RABL6: variants seen among roughly 807,000 people sequenced by gnomAD.
The protein encoded by RABL6 is RAB, member RAS oncogene family like 6, also known as rab-like protein 6.
In RABL6, 28 loss-of-function variants were observed where a neutral mutation model predicts 72.9. The ratio of observed to expected loss-of-function variants is 0.38; its 90% CI spans 0.28 to 0.53. The LOEUF is 0.53. Ranked by LOEUF, RABL6 falls within the 20% of genes least tolerant of loss-of-function variation. RABL6 has a pLI of 0.80. For synonymous variants in RABL6, 477 were observed against 421.2 expected, an observed-to-expected ratio of 1.13 and a Z score of -1.62; for missense variants, 1,029 against 1,008.4, an observed-to-expected ratio of 1.02 and a Z score of -0.28.
chr9:136,813,084 T>G, intron 1 of RABL6: 1 of 388,142 alleles, frequency 2.6e-6, no homozygotes, highest in Non-Finnish European at 4.9e-6. Flanking sequence ...TGACTACCCT[T>G]GCCCAACAAA....
rs1338167529 is a variant in RABL6 at position 136,840,888 on chromosome 9, C to A, written c.*366C>A. 1 of 1,515,468 alleles carries A rather than the reference C, an allele frequency of 6.6e-7. No homozygotes were observed. Among genetic ancestry groups the A allele is most frequent in the South Asian group, 1.2e-5 (1 of 80,898 alleles). The allele number at this position is 1,515,468 out of a possible 1,614,324, so 93.9% of individuals were successfully genotyped here. A position where few individuals can be genotyped will look rare whatever the true frequency, so the allele number is the denominator to read the frequency against. Reference sequence around the variant, plus strand: ...GGGCCGCTTGGCTGTGGGGTGTGCGCTGCCCCGGCACCTGCTTGCCCTCCG... The same window carrying A: ...GGGCCGCTTGGCTGTGGGGTGTGCGATGCCCCGGCACCTGCTTGCCCTCCG... On this transcript the variant is annotated 3_prime_UTR_variant, in exon 15 of 15. Coordinates refer to ENST00000311502, the MANE Select transcript of RABL6 (RefSeq NM_024718.5).
chr9:136,837,528 C>T lies in RABL6; in HGVS notation c.992C>T (p.Ser331Phe), dbSNP rs562980033. 26 of 1,536,104 alleles carry T rather than the reference C, an allele frequency of 1.7e-5. No individual in the cohort carries two copies. The highest frequency in any genetic ancestry group is 2.1e-5 in the Non-Finnish European group (24 of 1,140,556). The change falls in exon 9 of 15, where the codon TCC becomes TTC. Residue 331 changes from serine (S) to phenylalanine (F), a missense_variant. Physicochemically the swap from Ser to Phe is radical, Grantham distance 155. Coordinates refer to ENST00000311502, the MANE Select transcript of RABL6 (RefSeq NM_024718.5). ...PQLPLNAAPP[S>F]SVPPVPPSEA... is the part of the protein sequence containing the mutation. ...CTGCCCCTCAATGCCGCCCCACCAT[C>T]CTCTGTGCCCCCTGTACCACCCTCA...
intron 1 of RABL6, among the ~76,000 whole-genome samples, chr9:136,822,320 C>A (rs1044351963): frequency 6.6e-6 from 1 of 152,180 alleles, no homozygotes; most frequent in African/African-American, 2.4e-5. Flanking sequence ...CCTCTGCTCC[C>A]CACCAACCCG....
At chr9:136,822,976 T>C (rs1285029645) in intron 1 of RABL6, among the ~76,000 whole-genome samples, 5 of 151,676 alleles carry the variant, frequency 3.3e-5, no homozygotes, top group Admixed American at 2.0e-4. Flanking sequence ...TAGTCCCAGC[T>C]ACTCGGGAGG....
At chr9:136,822,092 G>A (rs1410725723) in intron 1 of RABL6, 1 of 1,288,054 alleles carries the variant, frequency 7.8e-7, no homozygotes. Flanking sequence ...TGGGCCAGGA[G>A]AGAGGAGCCG....
Position 136,825,197 on chromosome 9 carries a change from C to T in RABL6, c.266-582C>T, listed in dbSNP as rs576269690. 1.6e-4 allele frequency among the ~76,000 whole-genome samples: 24 copies of T among 152,340 alleles called. No homozygotes were observed. The South Asian group carries it at 2.3e-3, about 14-fold the overall frequency. On this transcript the variant is annotated intron_variant, in intron 2 of 14. Coordinates refer to ENST00000311502, the MANE Select transcript of RABL6 (RefSeq NM_024718.5). ...GGCTCCGAAGGGAGGGTCCGGCCTC[C>T]GCCCTCAGTGATTACTTAGATTCTG...
At chr9:136,839,565 T>A in intron 12 of RABL6, 79 bp downstream of exon 12, 1 of 1,556,184 alleles carries the variant, frequency 6.4e-7, no homozygotes, top group Non-Finnish European at 8.7e-7. Flanking sequence ...GTGGGTGCAG[T>A]GGGAGGAGGC....
chr9:136,821,473 A>G, intron 1 of RABL6: 1 of 985,284 alleles, frequency 1.0e-6, no homozygotes, highest in Non-Finnish European at 1.2e-6. Context: ...ACGGACGTGG[A>G]TGGCGCCGCC....
Position 136,837,379 on chromosome 9 carries a change from C to T in RABL6, c.843C>T (p.Gly281=), listed in dbSNP as rs1242732417. The T allele has an allele frequency of 6.2e-7, 1 of 1,601,568 alleles. No homozygotes were observed. Among genetic ancestry groups the T allele is most frequent in the East Asian group, 2.3e-5 (1 of 44,142 alleles). Residue 281 remains glycine, a synonymous_variant, in exon 9 of 15, where the codon GGC becomes GGT. Transcript: ENST00000311502. ...AGATGATGGAGGCTCGCAGCCGTGG[C>T]CATGCGTCCCCACTGGCGGCCAACG... ...FLEMMEARSR[G]HASPLAANGQ...
chr9:136,818,387 A>C (rs1427796190), intron 1 of RABL6, among the ~76,000 whole-genome samples: 7 of 124,296 alleles, frequency 5.6e-5, no homozygotes, highest in Admixed American at 2.3e-4. Flanking sequence ...AAAAAAAAAA[A>C]AAAAAAAAAA....
rs745324493 is a variant in RABL6, at chr9:136,808,265, C to T, written c.69C>T (p.Ala23=). 1.6e-5 allele frequency: 25 copies of T among 1,566,130 alleles called. No individual in the cohort carries two copies. The African/African-American group carries it at 2.0e-4, about 12-fold the overall frequency. Residue 23 remains alanine (A), a synonymous_variant, in exon 1 of 15, where the codon GCC becomes GCT. Transcript: ENST00000311502. The stretch of plus-strand genomic sequence containing the variant: ...CGGGCCGGGACAAGAACATCCCCGC[C>T]GGGCTGCAGTCCATGAACCAGGCGT... ...QAPGRDKNIP[A]GLQSMNQALQ...
At chr9:136,812,745 C>CTT (rs2131156462) in intron 1 of RABL6, 1 of 316,222 alleles carries the variant, frequency 3.2e-6, no homozygotes, top group South Asian at 3.4e-5. Flanking sequence ...AGCGTCCTTT[C>CTT]TTTCAAATGG....
chr9:136,835,339 C>T (rs1441763025), intron 7 of RABL6: 9 of 161,262 alleles, frequency 5.6e-5, no homozygotes, highest in South Asian at 3.5e-4. Flanking sequence ...GGGACGGTGG[C>T]GACGCGTGCA....
In RABL6 at chr9:136,832,287, C is replaced by A. The variant is rs371358921; in HGVS notation, c.622C>A (p.Arg208Ser). The A allele has an allele frequency of 6.2e-7, 1 of 1,613,728 alleles. No individual in the cohort carries two copies. Among genetic ancestry groups the A allele is most frequent in the Non-Finnish European group, 8.5e-7 (1 of 1,179,818 alleles). ...LDRPPGSSYFRYAESSMKNSF... is the reference protein window; with the variant it reads ...LDRPPGSSYFSYAESSMKNSF... Reference sequence around the variant, plus strand: ...CAGACCTCCAGGTTCCTCCTACTTCCGCTATGCTGAGTCTTCCATGAAGAA... The same window carrying A: ...CAGACCTCCAGGTTCCTCCTACTTCAGCTATGCTGAGTCTTCCATGAAGAA... Residue 208 changes from arginine (R) to serine (S), a missense_variant, in exon 7 of 15, where the codon CGC becomes AGC. Around this residue, in one of 2 missense-constraint regions of RABL6, gnomAD observed 434 missense variants for 536.1 expected, o/e 0.81. Coordinates refer to ENST00000311502, the MANE Select transcript of RABL6 (RefSeq NM_024718.5).
At chr9:136,815,399 G>T in intron 1 of RABL6, 1 of 282,020 alleles carries the variant, frequency 3.5e-6, no homozygotes, top group South Asian at 4.0e-5. Flanking sequence ...CCTGAGGTGT[G>T]ACAGTCTCTT....
At chr9:136,829,030 G>A (rs116006458) in intron 4 of RABL6, among the ~76,000 whole-genome samples, 6,503 of 152,278 alleles carry the variant, frequency 0.043, 411 homozygotes, top group African/African-American at 0.14. Context: ...AACCCTGTTT[G>A]TGGGCACTGG....
chr9:136,824,288 TTTTG>T (rs1002835776), intron 2 of RABL6, among the ~76,000 whole-genome samples: 7 of 151,788 alleles, frequency 4.6e-5, no homozygotes, highest in Admixed American at 3.9e-4. Flanking sequence ...GGGCTGGTTT[TTTTG>T]TTTGTTTGTT....
intron 5 of RABL6, among the ~76,000 whole-genome samples, chr9:136,829,713 A>G (rs1848432103): frequency 6.6e-6 from 1 of 152,222 alleles, no homozygotes; most frequent in Non-Finnish European, 1.5e-5. Flanking sequence ...CCGGCTGCAA[A>G]AGGCATCTGG....
Position 136,837,625 on chromosome 9 carries a change from G to A in RABL6, c.1089G>A (p.Gly363=). ...GCAGCATCATCTCTAGGCTGTTTGGGACGTCACCTGCCACCGAGGCAGCCC... is the reference window on the plus strand; with the variant it reads ...GCAGCATCATCTCTAGGCTGTTTGGAACGTCACCTGCCACCGAGGCAGCCC... ...PRRSIISRLF[G]TSPATEAAPP... The change falls in exon 9 of 15, where the codon GGG becomes GGA. Residue 363 remains glycine (G), a synonymous_variant. Transcript: ENST00000311502. The A allele has an allele frequency of 6.3e-7, 1 of 1,597,870 alleles. No individual in the cohort carries two copies. The highest frequency in any genetic ancestry group is 8.5e-7 in the Non-Finnish European group (1 of 1,173,918).
Sources: allele counts gnomAD v4.1 joint callset (sites outside exome capture counted in the v4.1 genomes callset), GRCh38; gene constraint gnomAD v4.1.1; regional missense constraint gnomAD v4.1.1; transcripts MANE v1.5; gene names NCBI Gene and HGNC (gene_info 2026-07-23, HGNC 2026-07-21).